The following FAM184B variants were observed in gnomAD, a reference collection of about 807,000 sequenced individuals.
The protein encoded by FAM184B is protein FAM184B.
A neutral mutation model predicts 135.9 loss-of-function variants in FAM184B; 111 were observed. That is an observed-to-expected ratio of 0.82 (90% CI 0.70 to 0.96). FAM184B has a LOEUF of 0.96. Ranked by LOEUF, FAM184B falls within the 40% of genes least tolerant of loss-of-function variation. The pLI, the probability that FAM184B is intolerant of heterozygous loss-of-function variation, is 0.00. For missense variants in FAM184B, 1,375 were observed against 1,323.9 expected, an observed-to-expected ratio of 1.04 and a Z score of -0.60; for synonymous variants, 552 against 524.8, an observed-to-expected ratio of 1.05 and a Z score of -0.71.
intron 3 of FAM184B, among the ~76,000 whole-genome samples, chr4:17,706,553 C>G (rs78551124): frequency 1.5e-3 from 224 of 152,288 alleles, no homozygotes; most frequent in African/African-American, 5.0e-3. Context: ...TAGGGGAAGG[C>G]ACTTAGAATC....
intron 1 of FAM184B, among the ~76,000 whole-genome samples, chr4:17,742,168 A>ATATTT (rs1459958150): frequency 1.8e-5 from 2 of 109,310 alleles, no homozygotes; most frequent in African/African-American, 9.6e-5. Context: ...ATATATATAT[A>ATATTT]TTTTTTTTTT....
At chr4:17,641,643 CT>C (rs34886078) in intron 13 of FAM184B, among the ~76,000 whole-genome samples, 416 of 24,320 alleles carry the variant, frequency 0.017, 1 homozygote, top group African/African-American at 0.057. Context: ...CACGCCCGGC[CT>C]TTTTTTTTTT....
chr4:17,685,580 G>C (rs1022035824), intron 7 of FAM184B, among the ~76,000 whole-genome samples: 2 of 107,448 alleles, frequency 1.9e-5, no homozygotes, highest in African/African-American at 3.5e-5. Flanking sequence ...AAAAAAAAAA[G>C]ACTGAGGAGT....
intron 5 of FAM184B, among the ~76,000 whole-genome samples, chr4:17,698,996 G>A (rs925342949): frequency 6.6e-6 from 1 of 151,942 alleles, no homozygotes; most frequent in East Asian, 1.9e-4. Context: ...AATGTTAAAG[G>A]AACATTTATA....
chr4:17,779,452 G>T (rs1041248330), intron 1 of FAM184B, among the ~76,000 whole-genome samples: 2 of 152,204 alleles, frequency 1.3e-5, no homozygotes, highest in Admixed American at 6.5e-5. Flanking sequence ...CCTACTGTGT[G>T]CCAAGAATCA....
chr4:17,705,221 A>C lies in FAM184B; in HGVS notation c.1171-15T>G. The stretch of plus-strand genomic sequence containing the variant: ...TCTTTCTTGGTCTATAAAAAGAAAA[A>C]GGACCTTGTAAAACCACTGGGGAGG... On this transcript the variant is annotated splice_polypyrimidine_tract_variant and intron_variant, in intron 4 of 17. Transcript: ENST00000265018. The C allele has an allele frequency of 6.5e-7, 1 of 1,546,940 alleles. No homozygotes were observed. Among genetic ancestry groups the C allele is most frequent in the South Asian group, 1.2e-5 (1 of 83,474 alleles).
intron 11 of FAM184B, among the ~76,000 whole-genome samples, chr4:17,649,885 C>CATCCACCT (rs368626494): frequency 1.3e-5 from 2 of 150,786 alleles, no homozygotes; most frequent in African/African-American, 4.9e-5. Flanking sequence ...TCCATCCACC[C>CATCCACCT]ATCTATCTGT....
chr4:17,695,257 G>T (rs1716830055), intron 5 of FAM184B, among the ~76,000 whole-genome samples: 1 of 151,940 alleles, frequency 6.6e-6, no homozygotes, highest in Non-Finnish European at 1.5e-5. Flanking sequence ...TGACCACCCG[G>T]GCTCAAGCAA....
chr4:17,687,359 G>A (rs1048912010), intron 7 of FAM184B, among the ~76,000 whole-genome samples: 2 of 152,168 alleles, frequency 1.3e-5, no homozygotes, highest in African/African-American at 4.8e-5. Context: ...TCTTGCTGCT[G>A]AAACAGGAAT....
chr4:17,658,603 C>A, intron 9 of FAM184B, 41 bp from the exon 10 acceptor site: 1 of 1,529,586 alleles, frequency 6.5e-7, no homozygotes, highest in Non-Finnish European at 8.8e-7. Flanking sequence ...AGCCCCTTGC[C>A]TTTCCTGGGA....
chr4:17,637,994 T>A (rs540155872), intron 14 of FAM184B, among the ~76,000 whole-genome samples: 227 of 16,694 alleles, frequency 0.014, no homozygotes, highest in African/African-American at 0.021. Flanking sequence ...TCACCCTCCC[T>A]CTCACTGATG....
intron 6 of FAM184B, among the ~76,000 whole-genome samples, chr4:17,689,911 G>A (rs1159230370): frequency 6.6e-6 from 1 of 152,098 alleles, no homozygotes; most frequent in Admixed American, 6.5e-5. Context: ...AACTTTGGGA[G>A]GCCGAGGTGG....
At position 17,633,845 on chromosome 4, in the gene FAM184B, G is replaced by C; in HGVS notation, c.2933C>G (p.Pro978Arg). 1 of 1,551,330 alleles carries C rather than the reference G, an allele frequency of 6.4e-7. No homozygotes were observed. Among genetic ancestry groups the C allele is most frequent in the Admixed American group, 2.0e-5 (1 of 50,956 alleles). ...EDVPSRVVSVPNLASYAKNFL... is the reference protein window; with the variant it reads ...EDVPSRVVSVRNLASYAKNFL... ...GTTCTTTGCATAGGAGGCGAGGTTC[G>C]GCACGCTGACCACGCGGCTGGGCAC... Residue 978 changes from proline to arginine, a missense_variant, in exon 17 of 18, where the codon CCG (proline) becomes CGG (arginine). Physicochemically the swap from Pro to Arg is moderately radical, Grantham distance 103 (BLOSUM62 -2). Transcript: ENST00000265018.
intron 1 of FAM184B, among the ~76,000 whole-genome samples, chr4:17,758,207 T>C (rs374885807): frequency 6.6e-6 from 1 of 152,206 alleles, no homozygotes; most frequent in Non-Finnish European, 1.5e-5. Flanking sequence ...GGACTCAAAT[T>C]TACCCCTTTT....
At chr4:17,728,118 A>G (rs1717685192) in intron 1 of FAM184B, among the ~76,000 whole-genome samples, 1 of 152,202 alleles carries the variant, frequency 6.6e-6, no homozygotes, top group Non-Finnish European at 1.5e-5. Flanking sequence ...TCTCTACAAA[A>G]TTAAAAAAAA....
chr4:17,631,796 C>T lies in FAM184B; in HGVS notation c.*736G>A, dbSNP rs1365474448. 6.6e-6 allele frequency: 1 copy of T among 152,062 alleles called. No homozygotes were observed. The highest frequency in any genetic ancestry group is 1.5e-5 in the Non-Finnish European group (1 of 68,022). The allele number at this position is 152,062 out of a possible 1,614,324, so 9.4% of individuals were successfully genotyped here. A position where few individuals can be genotyped will look rare whatever the true frequency, so the allele number is the denominator to read the frequency against. On this transcript the variant is annotated 3_prime_UTR_variant, in exon 18 of 18. Coordinates refer to ENST00000265018, the MANE Select transcript of FAM184B (RefSeq NM_015688.2). ...TTCCTGTTTAACTGTTATTTGTCTT[C>T]CTATTGAGGTTAGATGTGCATTTTG...
chr4:17,632,386 A>G lies in FAM184B; in HGVS notation c.*146T>C. 3 of 602,578 alleles carry G rather than the reference A, an allele frequency of 5.0e-6. No individual in the cohort carries two copies. The highest frequency in any genetic ancestry group is 8.5e-6 in the Non-Finnish European group (3 of 351,110). The allele number at this position is 602,578 out of a possible 1,614,324, so 37.3% of individuals were successfully genotyped here. On this transcript the variant is annotated 3_prime_UTR_variant, in exon 18 of 18. Transcript: ENST00000265018. Reference sequence around the variant, plus strand: ...TGCTGTGCCTGGCAGAACAGTATGAAGTGTTAACGCCAAAATTTGTTTTAG... The same window carrying G: ...TGCTGTGCCTGGCAGAACAGTATGAGGTGTTAACGCCAAAATTTGTTTTAG...
At chr4:17,671,293 G>A (rs1272592752) in intron 7 of FAM184B, among the ~76,000 whole-genome samples, 3 of 152,106 alleles carry the variant, frequency 2.0e-5, no homozygotes, top group Non-Finnish European at 4.4e-5. Flanking sequence ...TTTCTAAGGG[G>A]GATGTCCCTA....
At chr4:17,728,718 T>A (rs1717699143) in intron 1 of FAM184B, among the ~76,000 whole-genome samples, 1 of 152,124 alleles carries the variant, frequency 6.6e-6, no homozygotes, top group Non-Finnish European at 1.5e-5. Flanking sequence ...AGTAGTAACC[T>A]CCGGGTGATG....
Sources: gnomAD v4.1 joint callset for allele counts (sites outside exome capture counted in the v4.1 genomes callset) on GRCh38, gnomAD v4.1.1 for gene constraint, MANE v1.5 for transcripts, NCBI Gene and HGNC (gene_info 2026-07-23, HGNC 2026-07-21) for gene names.